The following ARHGAP6 variants were observed in gnomAD, a reference collection of about 807,000 sequenced individuals.
ARHGAP6 encodes the protein rho GTPase-activating protein 6.
Under a neutral mutation model 55.7 loss-of-function variants are expected in ARHGAP6, and 16 were observed. That is an observed-to-expected ratio of 0.29 (90% CI 0.19 to 0.44). The LOEUF is 0.44. ARHGAP6 is among the 20% of genes least tolerant of loss of function. The pLI, the probability that ARHGAP6 is intolerant of heterozygous loss-of-function variation, is 1.00. For synonymous variants in ARHGAP6, 382 were observed against 360.9 expected, an observed-to-expected ratio of 1.06 and a Z score of -0.66; for missense variants, 698 against 808.9, an observed-to-expected ratio of 0.86 and a Z score of 1.66.
intron 1 of ARHGAP6, among the ~76,000 whole-genome samples, chrX:11,425,678 G>A (rs1371726404): frequency 1.8e-5 from 2 of 112,265 alleles, no homozygotes; most frequent in African/African-American, 6.5e-5. Context: ...ATTAGCATCG[G>A]CTTGACTCTT....
intron 1 of ARHGAP6, among the ~76,000 whole-genome samples, chrX:11,547,081 A>G (rs763017224): frequency 1.8e-5 from 2 of 112,341 alleles, no homozygotes; most frequent in Non-Finnish European, 3.8e-5. Flanking sequence ...ACCTAAAAAT[A>G]GTTTATGGCT....
In ARHGAP6 at chrX:11,530,079, T is replaced by G. The variant is rs148746988; in HGVS notation, c.588+134162A>C. 2.2e-3 allele frequency among the ~76,000 whole-genome samples: 246 copies of G among 111,665 alleles called. 2 individuals carry two copies. The highest frequency in any genetic ancestry group is 7.6e-3 in the African/African-American group (234 of 30,791). On this transcript the variant is annotated intron_variant, in intron 1 of 12. Transcript: ENST00000337414. ...AAACCATACTGTGTCTGAATACCTTTCCCATCCCCATCTACCAAGGAAAAT... is the reference window on the plus strand; with the variant it reads ...AAACCATACTGTGTCTGAATACCTTGCCCATCCCCATCTACCAAGGAAAAT...
chrX:11,397,458 A>G (rs932167118), intron 1 of ARHGAP6, among the ~76,000 whole-genome samples: 1 of 111,501 alleles, frequency 9.0e-6, no homozygotes, highest in Non-Finnish European at 1.9e-5. Flanking sequence ...GATGTAATAT[A>G]ATATATATTA....
intron 1 of ARHGAP6, among the ~76,000 whole-genome samples, chrX:11,384,505 T>G (rs2049304977): frequency 8.9e-6 from 1 of 112,337 alleles, no homozygotes; most frequent in Non-Finnish European, 1.9e-5. Flanking sequence ...TGTGCATGAC[T>G]TCCCCCAGGA....
intron 2 of ARHGAP6, among the ~76,000 whole-genome samples, chrX:11,198,853 C>T (rs1307699673): frequency 8.9e-6 from 1 of 112,469 alleles, no homozygotes; most frequent in African/African-American, 3.2e-5. Flanking sequence ...AAGACGTAGA[C>T]TATTGCTAGT....
In ARHGAP6 at chrX:11,406,037, G is replaced by C. The variant is rs931965980; in HGVS notation, c.589-151330C>G. Reference sequence around the variant, plus strand: ...TCCCGCCTCAGCTTCCTGAGTAGCTGGGACTGTAAGTGTGCCACCATGCCC... The same window carrying C: ...TCCCGCCTCAGCTTCCTGAGTAGCTCGGACTGTAAGTGTGCCACCATGCCC... On this transcript the variant is annotated intron_variant, in intron 1 of 12. Transcript: ENST00000337414. 3.6e-5 allele frequency among the ~76,000 whole-genome samples: 4 copies of C among 110,834 alleles called. No individual in the cohort carries two copies. The Admixed American group carries it at 3.8e-4, about 11-fold the overall frequency.
intron 1 of ARHGAP6, among the ~76,000 whole-genome samples, chrX:11,496,606 C>T (rs2050625273): frequency 8.9e-6 from 1 of 111,875 alleles, no homozygotes; most frequent in Non-Finnish European, 1.9e-5. Flanking sequence ...TTATTTGTAA[C>T]ATTTTAAAGC....
chrX:11,427,605 G>A (rs906779160), intron 1 of ARHGAP6: 12 of 888,799 alleles, frequency 1.4e-5, no homozygotes, highest in Middle Eastern at 4.0e-4. Flanking sequence ...TGTCGCCTCC[G>A]GGAGGAGTGG....
intron 1 of ARHGAP6, among the ~76,000 whole-genome samples, chrX:11,546,781 A>G (rs1252259404): frequency 1.8e-5 from 2 of 112,336 alleles, no homozygotes; most frequent in Non-Finnish European, 3.8e-5. Flanking sequence ...TTACATGGAG[A>G]TGGTCATTCA....
At chrX:11,581,400 A>T (rs1224015518) in intron 1 of ARHGAP6, among the ~76,000 whole-genome samples, 1 of 111,880 alleles carries the variant, frequency 8.9e-6, no homozygotes, top group Non-Finnish European at 1.9e-5. Context: ...ATAACCTAAC[A>T]ATTCCACTTT....
chrX:11,298,581 T>C (rs1446778772), intron 1 of ARHGAP6: 2 of 1,208,964 alleles, frequency 1.7e-6, no homozygotes, highest in African/African-American at 3.5e-5. Context: ...CATGGGTGGA[T>C]GGCTGCACCA....
At position 11,555,100 on chromosome X, in the gene ARHGAP6, T is replaced by C. The variant is rs5979412; in HGVS notation, c.588+109141A>G. 4.4e-3 allele frequency among the ~76,000 whole-genome samples: 498 copies of C among 112,046 alleles called. 3 individuals carry two copies. The highest frequency in any genetic ancestry group is 0.016 in the African/African-American group (479 of 30,874). ...AGAAAGACAAACCTAGAAAGATACCTGAAATACATGCCAGTTCATGAAATG... is the reference window on the plus strand; with the variant it reads ...AGAAAGACAAACCTAGAAAGATACCCGAAATACATGCCAGTTCATGAAATG... On this transcript the variant is annotated intron_variant, in intron 1 of 12. Coordinates refer to ENST00000337414, the MANE Select transcript of ARHGAP6 (RefSeq NM_013427.3).
intron 1 of ARHGAP6, among the ~76,000 whole-genome samples, chrX:11,313,009 A>G (rs1343475899): frequency 2.7e-5 from 3 of 112,273 alleles, no homozygotes; most frequent in Non-Finnish European, 5.6e-5. Flanking sequence ...CTTAAAGACA[A>G]TTCTTCATTT....
chrX:11,547,089 G>A (rs765664204), intron 1 of ARHGAP6, among the ~76,000 whole-genome samples: 5 of 112,069 alleles, frequency 4.5e-5, no homozygotes, highest in Admixed American at 3.8e-4. Context: ...ATAGTTTATG[G>A]CTCCATATGA....
chrX:11,488,439 A>G (rs1364956130), intron 1 of ARHGAP6, among the ~76,000 whole-genome samples: 2 of 111,870 alleles, frequency 1.8e-5, no homozygotes, highest in Non-Finnish European at 3.8e-5. Context: ...AGTATCTTTA[A>G]TCACCACCAT....
chrX:11,231,347 G>A, intron 2 of ARHGAP6, among the ~76,000 whole-genome samples: 1 of 112,257 alleles, frequency 8.9e-6, no homozygotes, highest in South Asian at 3.7e-4. Flanking sequence ...AAAATGCAAA[G>A]TAAAAGCACT....
rs1420879980 is a variant in ARHGAP6 at position 11,519,270 on chromosome X, A to C, written c.588+144971T>G. Among the ~76,000 whole-genome samples, 318 of 107,838 alleles carry C rather than the reference A, an allele frequency of 2.9e-3. 1 individual carries two copies. Among genetic ancestry groups the C allele is most frequent in the African/African-American group, 0.011 (304 of 28,831 alleles). 93.6% of individuals were successfully genotyped at this position (107,838 alleles called of 115,157 possible). ...CCACCAACAGTGTAAAAGTGTTCCT[A>C]TTTCTCCACATCCTCCCCAGCACCT... is the stretch of plus-strand genomic sequence containing the variant. On this transcript the variant is annotated intron_variant, in intron 1 of 12. Transcript: ENST00000337414.
intron 9 of ARHGAP6, among the ~76,000 whole-genome samples, chrX:11,161,779 G>T (rs1235721108): frequency 1.8e-5 from 2 of 112,125 alleles, no homozygotes; most frequent in East Asian, 5.6e-4. Context: ...CAGAGAAGAA[G>T]CACTCTCTTC....
intron 8 of ARHGAP6, 55 bp from the exon 9 acceptor site, chrX:11,169,739 G>A (rs2046063373): frequency 1.1e-6 from 1 of 940,432 alleles, no homozygotes; most frequent in Non-Finnish European, 1.4e-6. Flanking sequence ...CAAGATACTG[G>A]GTGATTCAAC....
Sources: gnomAD v4.1 joint callset for allele counts (sites outside exome capture counted in the v4.1 genomes callset) on GRCh38, gnomAD v4.1.1 for gene constraint, MANE v1.5 for transcripts, NCBI Gene and HGNC (gene_info 2026-07-23, HGNC 2026-07-21) for gene names.